BACH2: variants seen among roughly 807,000 people sequenced by gnomAD.
BACH2 encodes the protein BACH transcriptional regulator 2.
Under a neutral mutation model 61.8 loss-of-function variants are expected in BACH2, and 5 were observed. The ratio of observed to expected loss-of-function variants is 0.08; its 90% CI spans 0.04 to 0.17. The LOEUF (loss-of-function observed/expected upper bound fraction) is 0.17. Among genes scored for constraint, BACH2 ranks in the 10% least tolerant of loss-of-function variants. The pLI is 1.00. For missense variants in BACH2, 824 were observed against 1,091.1 expected (o/e 0.76, Z 3.45); for synonymous variants, 446 against 440.1 (o/e 1.01, Z -0.17).
intron 6 of BACH2, among the ~76,000 whole-genome samples, chr6:89,972,339 T>C (rs1041014743): frequency 6.6e-6 from 1 of 151,822 alleles, no homozygotes; most frequent in African/African-American, 2.4e-5. Context: ...ATACAGGCAG[T>C]GGTGTTGGGA....
chr6:90,027,102 C>A (rs137884029), intron 5 of BACH2, among the ~76,000 whole-genome samples: 1 of 152,074 alleles, frequency 6.6e-6, no homozygotes, highest in Non-Finnish European at 1.5e-5. Flanking sequence ...AGGCTAAGAC[C>A]ACTGGTTGGC....
intron 5 of BACH2, among the ~76,000 whole-genome samples, chr6:90,043,825 T>C (rs563628810): frequency 5.4e-4 from 82 of 152,344 alleles, no homozygotes; most frequent in Non-Finnish European, 9.4e-4. Flanking sequence ...GGGAGATTCA[T>C]GCTGGAGCTT....
Position 89,927,040 on chromosome 6 carries a change from CCT to C in BACH2, c.*5366_*5367del, listed in dbSNP as rs1334771571. ...AGCCCCTTGCATACACTGAGAAGAC[CCT>C]GTTTTGAATATGGCCTCTGGAGTTT... On this transcript the variant is annotated 3_prime_UTR_variant, in exon 9 of 9. Transcript: ENST00000257749. 1.3e-5 allele frequency: 2 copies of C among 152,684 alleles called. No homozygotes were observed. 9.5% of individuals were successfully genotyped at this position (152,684 alleles called of 1,614,324 possible). A position where few individuals can be genotyped will look rare whatever the true frequency, so the allele number is the denominator to read the frequency against.
At chr6:90,013,921 G>A (rs2127782578) in intron 5 of BACH2, among the ~76,000 whole-genome samples, 1 of 152,136 alleles carries the variant, frequency 6.6e-6, no homozygotes, top group South Asian at 2.1e-4. Flanking sequence ...TAGGACTACA[G>A]GTGTGCACCA....
At chr6:90,084,917 G>T (rs1781867557) in intron 5 of BACH2, among the ~76,000 whole-genome samples, 1 of 152,082 alleles carries the variant, frequency 6.6e-6, no homozygotes, top group Admixed American at 6.6e-5. Flanking sequence ...CCCCTGGTCA[G>T]CCCTAGGGGT....
intron 5 of BACH2, among the ~76,000 whole-genome samples, chr6:90,054,168 C>T (rs193236398): frequency 4.6e-5 from 7 of 152,164 alleles, no homozygotes; most frequent in African/African-American, 1.7e-4. Flanking sequence ...CAGGGGGAGG[C>T]ATCGCCTCAC....
chr6:90,125,455 G>A (rs1036596245), intron 4 of BACH2, among the ~76,000 whole-genome samples: 8 of 152,096 alleles, frequency 5.3e-5, no homozygotes, highest in Non-Finnish European at 1.0e-4. Context: ...ATCCTCTGCC[G>A]TCAGGAATGG....
At chr6:90,198,928 C>T (rs774676468) in intron 4 of BACH2, among the ~76,000 whole-genome samples, 10 of 152,058 alleles carry the variant, frequency 6.6e-5, no homozygotes, top group Non-Finnish European at 8.8e-5. Flanking sequence ...GTTCTTGTGA[C>T]GGTGAATAAG....
At chr6:89,996,895 C>T (rs1334724370) in intron 6 of BACH2, among the ~76,000 whole-genome samples, 1 of 151,902 alleles carries the variant, frequency 6.6e-6, no homozygotes, top group Non-Finnish European at 1.5e-5. Context: ...TAAGTTAATC[C>T]CCCAAAGAAA....
chr6:90,025,421 G>T (rs145678963), intron 5 of BACH2, among the ~76,000 whole-genome samples: 7 of 152,138 alleles, frequency 4.6e-5, no homozygotes, highest in African/African-American at 1.7e-4. Context: ...GTTTGTCTCT[G>T]GTATTACTTC....
At chr6:90,070,067 T>C (rs1371337183) in intron 5 of BACH2, among the ~76,000 whole-genome samples, 1 of 152,182 alleles carries the variant, frequency 6.6e-6, no homozygotes, top group Non-Finnish European at 1.5e-5. Context: ...ATATAACATT[T>C]TATTTAATCA....
intron 5 of BACH2, among the ~76,000 whole-genome samples, chr6:90,068,580 A>T (rs1329042664): frequency 6.6e-6 from 1 of 151,886 alleles, no homozygotes; most frequent in Non-Finnish European, 1.5e-5. Context: ...TCCAGTAGTC[A>T]GTGGCTCCCA....
chr6:90,054,742 C>A (rs1409392142), intron 5 of BACH2, among the ~76,000 whole-genome samples: 1 of 152,150 alleles, frequency 6.6e-6, no homozygotes, highest in Non-Finnish European at 1.5e-5. Context: ...CGGGCTGACA[C>A]CTCACACAGC....
chr6:90,211,169 TAAG>T lies in BACH2; in HGVS notation c.-274-4491_-274-4489del, dbSNP rs1183827885. On this transcript the variant is annotated intron_variant, in intron 3 of 8. Transcript: ENST00000257749. The stretch of plus-strand genomic sequence containing the variant: ...AAAAAAGGCAGAGACAAAGTAAGTC[TAAG>T]AAGAAGAGAGAAATGACAAGAAAAG... Among the ~76,000 whole-genome samples the T allele has an allele frequency of 7.6e-5, 11 of 144,650 alleles. No homozygotes were observed. The East Asian group carries it at 1.0e-3, about 13-fold the overall frequency. The allele number at this position is 144,650 out of a possible 152,430, so 94.9% of individuals were successfully genotyped here. A position where few individuals can be genotyped will look rare whatever the true frequency, so the allele number is the denominator to read the frequency against.
intron 4 of BACH2, among the ~76,000 whole-genome samples, chr6:90,142,552 A>C (rs1784495033): frequency 6.6e-6 from 1 of 152,242 alleles, no homozygotes; most frequent in East Asian, 1.9e-4. Flanking sequence ...GTTATTCAAA[A>C]TAAAATAATA....
chr6:90,138,658 G>A (rs1427806692), intron 4 of BACH2, among the ~76,000 whole-genome samples: 1 of 151,784 alleles, frequency 6.6e-6, no homozygotes, highest in Non-Finnish European at 1.5e-5. Context: ...AATTACTGAG[G>A]CGAATTCATT....
chr6:89,968,927 C>T (rs1308009621), intron 6 of BACH2, among the ~76,000 whole-genome samples: 1 of 152,022 alleles, frequency 6.6e-6, no homozygotes, highest in Non-Finnish European at 1.5e-5. Context: ...AGGAAGACTG[C>T]TTGAATCTGG....
intron 1 of BACH2, among the ~76,000 whole-genome samples, chr6:90,279,167 A>T (rs1258022903): frequency 6.6e-6 from 1 of 152,148 alleles, no homozygotes. Context: ...TTCTGAAAAA[A>T]TCTAAAATCG....
intron 4 of BACH2, among the ~76,000 whole-genome samples, chr6:90,102,033 T>C (rs1481133494): frequency 1.3e-5 from 2 of 152,184 alleles, no homozygotes. Context: ...TCTAATAGGT[T>C]TTTTCGTGTG....
Sources: allele counts gnomAD v4.1 joint callset (sites outside exome capture counted in the v4.1 genomes callset), GRCh38; gene constraint gnomAD v4.1.1; transcripts MANE v1.5; gene names NCBI Gene and HGNC (gene_info 2026-07-23, HGNC 2026-07-21).